Variants in IDH2 observed in about 807,000 individuals in gnomAD.
IDH2 encodes the protein isocitrate dehydrogenase (NADP(+)) 2, also known as isocitrate dehydrogenase [NADP], mitochondrial.
IDH2 carries 18 observed loss-of-function variants against 50.5 expected under a neutral mutation model. The ratio of observed to expected loss-of-function variants is 0.36; its 90% confidence interval spans 0.25 to 0.53. The LOEUF (loss-of-function observed/expected upper bound fraction) is 0.53, where lower values mean the gene tolerates loss of function less well. Ranked by LOEUF, IDH2 falls within the 20% of genes least tolerant of loss-of-function variation. IDH2 has a pLI of 0.92. For missense variants in IDH2, 518 were observed against 610.7 expected, an observed-to-expected ratio of 0.85 and a Z score of 1.60; for synonymous variants, 280 against 239.8, an observed-to-expected ratio of 1.17 and a Z score of -1.55.
At chr15:90,086,893 T>A (rs1432345912) in intron 7 of IDH2, among the ~76,000 whole-genome samples, 1 of 152,160 alleles carries the variant, frequency 6.6e-6, no homozygotes, top group African/African-American at 2.4e-5. Context: ...TGTGCCCTCC[T>A]TTCTCTCTAA....
At chr15:90,099,974 A>C (rs569839610) in intron 1 of IDH2, among the ~76,000 whole-genome samples, 2 of 151,756 alleles carry the variant, frequency 1.3e-5, no homozygotes, top group East Asian at 3.9e-4. Context: ...GTTGAAGTCA[A>C]CTCCATCTGT....
chr15:90,088,242 T>C lies in IDH2; in HGVS notation c.678+117A>G, dbSNP rs978942451. The C allele has an allele frequency of 9.5e-6, 13 of 1,364,036 alleles. No individual in the cohort carries two copies. In the African/African-American group the frequency reaches 1.7e-4, roughly 18 times the overall value. The allele number at this position is 1,364,036 out of a possible 1,614,324, so 84.5% of individuals were successfully genotyped here. On this transcript the variant is annotated intron_variant, in intron 5 of 10. Coordinates refer to ENST00000330062, the MANE Select transcript of IDH2 (RefSeq NM_002168.4). ...CCACCATGCCCAGCCCTGGTGGCCA[T>C]TTCTGCCTCTTTGTGGCCTAAGAAT...
At position 90,084,213 on chromosome 15, in the gene IDH2, A is replaced by G; in HGVS notation, c.*53T>C. Reference sequence around the variant, plus strand: ...CTCACCCTCTGCCGCGCTCAGGAGGACCCGCCGGCTCAGCCCTGGCCCCTC... The same window carrying G: ...CTCACCCTCTGCCGCGCTCAGGAGGGCCCGCCGGCTCAGCCCTGGCCCCTC... On this transcript the variant is annotated 3_prime_UTR_variant, in exon 11 of 11. Coordinates refer to ENST00000330062, the MANE Select transcript of IDH2 (RefSeq NM_002168.4). This position sits in a 1 kb window ranked among gnomAD's most constrained non-coding sequence, Gnocchi z 5.0. The G allele has an allele frequency of 6.7e-7, 1 of 1,489,808 alleles. No individual in the cohort carries two copies. 92.3% of individuals were successfully genotyped at this position (1,489,808 alleles called of 1,614,324 possible).
In IDH2 at chr15:90,100,565, C is replaced by A; in HGVS notation, c.115+1711G>T. On this transcript the variant is annotated intron_variant, in intron 1 of 10. Transcript: ENST00000330062. The surrounding 1 kb of genome is among the most constrained non-coding windows in gnomAD (Gnocchi z 4.1). ...CAGAACTGGTCCGCACTGCCCCAAG[C>A]TCTAACTTACCAGAAACATCACCAG... is the stretch of plus-strand genomic sequence containing the variant. The A allele has an allele frequency of 1.0e-6, 1 of 960,714 alleles. No individual in the cohort carries two copies. The highest frequency in any genetic ancestry group is 1.2e-6 in the Non-Finnish European group (1 of 807,288). 59.5% of individuals were successfully genotyped at this position (960,714 alleles called of 1,614,324 possible). A position where few individuals can be genotyped will look rare whatever the true frequency, so the allele number is the denominator to read the frequency against.
intron 1 of IDH2, among the ~76,000 whole-genome samples, chr15:90,097,114 G>A (rs545724684): frequency 3.3e-5 from 5 of 152,136 alleles, no homozygotes; most frequent in Non-Finnish European, 7.4e-5. Context: ...AAGACAATGT[G>A]ATACAGTCCC....
chr15:90,091,463 T>C (rs1438184063), intron 2 of IDH2, 90 bp downstream of exon 2: 1 of 975,622 alleles, frequency 1.0e-6, no homozygotes, highest in East Asian at 2.4e-5. Flanking sequence ...GGGGGGGTCC[T>C]AGGGACCTGC....
At chr15:90,101,176 C>T (rs1006770042) in intron 1 of IDH2, among the ~76,000 whole-genome samples, 1 of 152,112 alleles carries the variant, frequency 6.6e-6, no homozygotes, top group Admixed American at 6.5e-5. Context: ...TCCCTACCCC[C>T]CCGGCTCTAG....
intron 7 of IDH2, among the ~76,000 whole-genome samples, chr15:90,086,091 C>A (rs930572761): frequency 6.6e-6 from 1 of 152,246 alleles, no homozygotes; most frequent in Non-Finnish European, 1.5e-5. Context: ...TCTGCCTCAT[C>A]TGCTATGGCG....
intron 1 of IDH2, among the ~76,000 whole-genome samples, chr15:90,101,101 C>T (rs1295552616): frequency 1.3e-5 from 2 of 152,052 alleles, no homozygotes; most frequent in Non-Finnish European, 2.9e-5. Flanking sequence ...GGTAGATTCC[C>T]AGAGGTACAA....
rs541249526 is a variant in IDH2, at chr15:90,088,475, G to A, written c.562C>T (p.Arg188Trp). Residue 188 changes from arginine to tryptophan, a missense_variant, in exon 5 of 11, where the codon CGG (arginine) becomes TGG (tryptophan). Physicochemically the swap from Arg to Trp is moderately radical, Grantham distance 101 (BLOSUM62 -3). Coordinates refer to ENST00000330062, the MANE Select transcript of IDH2 (RefSeq NM_002168.4). ...AAGACCATTTTGAAAGTGCCGGCCC[G>A]GTCTGCCACAAAGTCTGTGGCCTTG... The part of the protein sequence containing the change: ...QYKATDFVAD[R>W]AGTFKMVFTP... 17 of 1,614,194 alleles carry A rather than the reference G, an allele frequency of 1.1e-5. No homozygotes were observed. In the East Asian group the frequency reaches 1.8e-4, roughly 17 times the overall value.
At chr15:90,088,052 A>G (rs1160453725) in intron 5 of IDH2, among the ~76,000 whole-genome samples, 3 of 152,022 alleles carry the variant, frequency 2.0e-5, no homozygotes, top group Non-Finnish European at 4.4e-5. Context: ...GTAGCCAAGC[A>G]GGCAGGAGTA....
At chr15:90,092,481 C>G (rs1901068156) in intron 1 of IDH2, among the ~76,000 whole-genome samples, 1 of 152,066 alleles carries the variant, frequency 6.6e-6, no homozygotes, top group African/African-American at 2.4e-5. Context: ...TCATAGCTTA[C>G]TGCAGCATTG....
In IDH2 at chr15:90,100,814, T is replaced by C. The variant is rs898746366; in HGVS notation, c.115+1462A>G. ...CAACACCAAGCAATTTCCCCATTCA[T>C]AACCAACCCACATGGGGACTTCTAG... On this transcript the variant is annotated intron_variant, in intron 1 of 10. Coordinates refer to ENST00000330062, the MANE Select transcript of IDH2 (RefSeq NM_002168.4). This position sits in a 1 kb window ranked among gnomAD's most constrained non-coding sequence, Gnocchi z 4.1. The C allele has an allele frequency of 2.1e-5, 4 of 191,436 alleles. No individual in the cohort carries two copies. The Admixed American group carries it at 2.6e-4, about 12-fold the overall frequency. The allele number at this position is 191,436 out of a possible 1,614,324, so 11.9% of individuals were successfully genotyped here. A position where few individuals can be genotyped will look rare whatever the true frequency, so the allele number is the denominator to read the frequency against.
chr15:90,097,108 C>T (rs926380140), intron 1 of IDH2, among the ~76,000 whole-genome samples: 2 of 152,108 alleles, frequency 1.3e-5, no homozygotes, highest in Admixed American at 6.6e-5. Flanking sequence ...TGGATAAAGA[C>T]AATGTGATAC....
Position 90,085,330 on chromosome 15 carries a change from A to G in IDH2, c.1025T>C (p.Ile342Thr), listed in dbSNP as rs927842567. 5 of 1,553,752 alleles carry G rather than the reference A, an allele frequency of 3.2e-6. No individual in the cohort carries two copies. Among genetic ancestry groups the G allele is most frequent in the Admixed American group, 3.9e-5 (2 of 51,110 alleles). ...SVLVCPDGKT[I>T]EAEAAHGTVT... ...GGTCCCATGAGCGGCCTCAGCCTCA[A>G]TCGTCTTCCCATCAGGGCAGACCAG... is the stretch of plus-strand genomic sequence containing the variant. The change falls in exon 8 of 11, where the codon ATT (isoleucine) becomes ACT (threonine). Residue 342 changes from isoleucine to threonine, a missense_variant. Around this residue, in one of 5 missense-constraint regions of IDH2, gnomAD observed 135 missense variants for 167.6 expected, o/e 0.81. Transcript: ENST00000330062. This position sits in a 1 kb window ranked among gnomAD's most constrained non-coding sequence, Gnocchi z 5.5.
At position 90,087,512 on chromosome 15, in the gene IDH2, T is replaced by G. The variant is rs781648958; in HGVS notation, c.742A>C (p.Met248Leu). The G allele has an allele frequency of 2.5e-6, 4 of 1,614,044 alleles. No homozygotes were observed. Among genetic ancestry groups the G allele is most frequent in the Non-Finnish European group, 2.5e-6 (3 of 1,180,036 alleles). Residue 248 changes from methionine to leucine, a missense_variant, in exon 6 of 11, where the codon ATG becomes CTG. This residue lies in a region of IDH2 where 207 missense variants were observed against 208.6 expected (regional missense o/e 0.99). Coordinates refer to ENST00000330062, the MANE Select transcript of IDH2 (RefSeq NM_002168.4). ...YAIQKKWPLY[M>L]STKNTILKAY... ...TTCAGTATGGTGTTCTTGGTGCTCA[T>G]GTACAGCGGCCATTTCTTCTGGATG...
At chr15:90,099,351 G>A (rs910638442) in intron 1 of IDH2, among the ~76,000 whole-genome samples, 1 of 152,044 alleles carries the variant, frequency 6.6e-6, no homozygotes, top group Non-Finnish European at 1.5e-5. Flanking sequence ...CCCCAATACC[G>A]AAAATGGCCT....
intron 3 of IDH2, 75 bp downstream of exon 3, chr15:90,090,404 C>A: frequency 6.6e-7 from 1 of 1,525,606 alleles, no homozygotes; most frequent in Non-Finnish European, 9.0e-7. Context: ...GCCAACTGCC[C>A]CACCCCAAGT....
Position 90,099,812 on chromosome 15 carries a change from G to C in IDH2, c.115+2464C>G, listed in dbSNP as rs150495794. ...CTAGTCAACATCTATCTTGCTTACT[G>C]TCTGCCCCCTCCCACATCAGAATTT... On this transcript the variant is annotated intron_variant, in intron 1 of 10. Transcript: ENST00000330062. 3.5e-3 allele frequency among the ~76,000 whole-genome samples: 536 copies of C among 152,174 alleles called. 3 individuals carry two copies. Among genetic ancestry groups the C allele is most frequent in the African/African-American group, 0.012 (510 of 41,494 alleles).
Sources: gnomAD v4.1 joint callset for allele counts (sites outside exome capture counted in the v4.1 genomes callset) on GRCh38, gnomAD v4.1.1 for gene constraint, gnomAD v4.1.1 regional missense constraint, Gnocchi (gnomAD v3.1) non-coding constraint, MANE v1.5 for transcripts, NCBI Gene and HGNC (gene_info 2026-07-23, HGNC 2026-07-21) for gene names.